ACAD10: variants seen among roughly 807,000 people sequenced by gnomAD.
The protein encoded by ACAD10 is ACAD-10.
A neutral mutation model predicts 116.8 loss-of-function variants in ACAD10; 112 were observed. The ratio of observed to expected loss-of-function variants is 0.96; its 90% CI spans 0.82 to 1.12. The LOEUF (loss-of-function observed/expected upper bound fraction) is 1.12. ACAD10 is among the 50% of genes most tolerant of loss of function. ACAD10 has a pLI of 0.00. For missense variants in ACAD10, 1,259 were observed against 1,350.2 expected, an observed-to-expected ratio of 0.93 and a Z score of 1.06; for synonymous variants, 486 against 510.6, an observed-to-expected ratio of 0.95 and a Z score of 0.65.
intron 3 of ACAD10, 36 bp from the exon 4 acceptor site, chr12:111,705,702 T>C (rs763201836): frequency 4.4e-6 from 7 of 1,574,556 alleles, no homozygotes; most frequent in Non-Finnish European, 5.2e-6. Context: ...TCACTCTTAA[T>C]GATTGCTGTT....
intron 4 of ACAD10, 28 bp downstream of exon 4, chr12:111,705,960 G>T: frequency 6.2e-7 from 1 of 1,608,762 alleles, no homozygotes; most frequent in Non-Finnish European, 8.5e-7. Context: ...GAAAACCATT[G>T]GAACAGAATC....
At chr12:111,692,165 T>G (rs1182377388) in intron 1 of ACAD10, among the ~76,000 whole-genome samples, 2 of 152,058 alleles carry the variant, frequency 1.3e-5, no homozygotes, top group Non-Finnish European at 2.9e-5. Context: ...GTGGGGTTTC[T>G]CCATGTTGGT....
intron 2 of ACAD10, among the ~76,000 whole-genome samples, chr12:111,694,509 TAA>T (rs551885697): frequency 6.7e-6 from 1 of 150,280 alleles, no homozygotes. Flanking sequence ...AACCTGTCTC[TAA>T]AAAAAAAGGC....
chr12:111,756,660 A>G lies in ACAD10; in HGVS notation c.*187A>G, dbSNP rs548553547. On this transcript the variant is annotated 3_prime_UTR_variant, in exon 21 of 21. Transcript: ENST00000313698. Reference sequence around the variant, plus strand: ...GAAGACGTCTCTGCAAGAAGCCTGGAGTCTGTTTCAGGCCAGGAGGAGGGG... The same window carrying G: ...GAAGACGTCTCTGCAAGAAGCCTGGGGTCTGTTTCAGGCCAGGAGGAGGGG... 7.1e-6 allele frequency: 7 copies of G among 987,516 alleles called. No homozygotes were observed. In the African/African-American group the frequency reaches 9.6e-5, roughly 14 times the overall value. The allele number at this position is 987,516 out of a possible 1,614,324, so 61.2% of individuals were successfully genotyped here. A position where few individuals can be genotyped will look rare whatever the true frequency, so the allele number is the denominator to read the frequency against.
intron 2 of ACAD10, among the ~76,000 whole-genome samples, chr12:111,698,903 G>A (rs1021171283): frequency 6.6e-6 from 1 of 151,776 alleles, no homozygotes; most frequent in Admixed American, 6.6e-5. Flanking sequence ...TTTTTGAAAC[G>A]GAATTTTACT....
At chr12:111,747,422 A>G in intron 16 of ACAD10, 37 bp downstream of exon 16, 1 of 1,609,656 alleles carries the variant, frequency 6.2e-7, no homozygotes, top group Non-Finnish European at 8.5e-7. Context: ...AATGCACATC[A>G]GGGAGTCTGT....
At chr12:111,713,463 A>G (rs896700287) in intron 6 of ACAD10, among the ~76,000 whole-genome samples, 1 of 151,980 alleles carries the variant, frequency 6.6e-6, no homozygotes, top group Admixed American at 6.6e-5. Flanking sequence ...TGACTCTACT[A>G]AAAATACAAA....
intron 17 of ACAD10, 50 bp downstream of exon 17, chr12:111,748,525 G>A: frequency 6.2e-7 from 1 of 1,603,924 alleles, no homozygotes; most frequent in Non-Finnish European, 8.5e-7. Flanking sequence ...TGGTCCCCAG[G>A]AAACACCACT....
chr12:111,690,739 C>T (rs1295955501), intron 1 of ACAD10, among the ~76,000 whole-genome samples: 5 of 146,746 alleles, frequency 3.4e-5, no homozygotes, highest in Admixed American at 6.9e-5. Context: ...GAGCCAAATT[C>T]GTGCCACTAC....
rs536274783 is a variant in ACAD10 at position 111,694,881 on chromosome 12, A to G, written c.187+1985A>G. Among the ~76,000 whole-genome samples, 34 of 152,182 alleles carry G rather than the reference A, an allele frequency of 2.2e-4. No homozygotes were observed. In the South Asian group the frequency reaches 6.6e-3, roughly 30 times the overall value. ...TCTCTACGAAAAATACAAAAAGCGT[A>G]CCTGGGCATGGTGGTGCATGGATGT... is the stretch of plus-strand genomic sequence containing the variant. On this transcript the variant is annotated intron_variant, in intron 2 of 20. Coordinates refer to ENST00000313698, the MANE Select transcript of ACAD10 (RefSeq NM_025247.6).
At chr12:111,748,722 A>G (rs2135991530) in intron 17 of ACAD10, 2 of 584,602 alleles carry the variant, frequency 3.4e-6, no homozygotes, top group East Asian at 3.1e-5. Flanking sequence ...AGTCTGTGAC[A>G]CAGGAAGCCA....
rs534488378 is a variant in ACAD10 at position 111,745,107 on chromosome 12, G to A, written c.2115+64G>A. 4.9e-4 allele frequency: 749 copies of A among 1,521,104 alleles called. 6 individuals carry two copies. In the African/African-American group the frequency reaches 8.9e-3, roughly 18 times the overall value. The allele number at this position is 1,521,104 out of a possible 1,614,324, so 94.2% of individuals were successfully genotyped here. A position where few individuals can be genotyped will look rare whatever the true frequency, so the allele number is the denominator to read the frequency against. On this transcript the variant is annotated intron_variant, in intron 13 of 20. Coordinates refer to ENST00000313698, the MANE Select transcript of ACAD10 (RefSeq NM_025247.6). ...ATGGCATACCCTCCCCGACCCCACC[G>A]GGCTCACCTGAACCATCCCAGGCAG... is the stretch of plus-strand genomic sequence containing the variant.
chr12:111,704,961 A>C (rs1467707332), intron 3 of ACAD10, among the ~76,000 whole-genome samples: 2 of 152,074 alleles, frequency 1.3e-5, no homozygotes, highest in African/African-American at 4.8e-5. Flanking sequence ...TGCTGGGATT[A>C]CAGGTGTGAG....
intron 4 of ACAD10, among the ~76,000 whole-genome samples, chr12:111,706,786 T>TA: frequency 7.0e-6 from 1 of 142,992 alleles, no homozygotes; most frequent in Non-Finnish European, 1.5e-5. Flanking sequence ...ATATATATTT[T>TA]TTTTTTTGAG....
intron 12 of ACAD10, among the ~76,000 whole-genome samples, chr12:111,742,241 A>G (rs970403621): frequency 6.6e-6 from 1 of 152,238 alleles, no homozygotes; most frequent in African/African-American, 2.4e-5. Flanking sequence ...AAGAAAATTA[A>G]GAATACACCT....
intron 2 of ACAD10, among the ~76,000 whole-genome samples, chr12:111,694,166 C>CA (rs1330266112): frequency 6.6e-6 from 1 of 152,192 alleles, no homozygotes; most frequent in Non-Finnish European, 1.5e-5. Context: ...CACTGCTGAC[C>CA]AAATTACTCA....
chr12:111,722,157 G>A (rs1388321120), intron 8 of ACAD10, among the ~76,000 whole-genome samples: 1 of 152,124 alleles, frequency 6.6e-6, no homozygotes, highest in East Asian at 1.9e-4. Context: ...TGCCTCCTGG[G>A]TTCAAGTGAT....
chr12:111,713,295 AG>A (rs1400414378), intron 6 of ACAD10, among the ~76,000 whole-genome samples: 1 of 149,200 alleles, frequency 6.7e-6, no homozygotes, highest in Non-Finnish European at 1.5e-5. Flanking sequence ...TGGGTGACAG[AG>A]CAAGACTCCA....
chr12:111,704,600 T>C (rs1052847967), intron 3 of ACAD10, among the ~76,000 whole-genome samples: 1 of 152,192 alleles, frequency 6.6e-6, no homozygotes, highest in Non-Finnish European at 1.5e-5. Context: ...AATCTGTGTG[T>C]GTATATGTAT....
Sources: gnomAD v4.1 joint callset for allele counts (sites outside exome capture counted in the v4.1 genomes callset) on GRCh38, gnomAD v4.1.1 for gene constraint, MANE v1.5 for transcripts, NCBI Gene and HGNC (gene_info 2026-07-23, HGNC 2026-07-21) for gene names.